ELL: variants seen among roughly 807,000 people sequenced by gnomAD.
ELL encodes RNA polymerase II elongation factor ELL.
Under a neutral mutation model 64.0 loss-of-function variants are expected in ELL, and 18 were observed. That is an observed-to-expected ratio of 0.28 (90% confidence interval 0.19 to 0.42). The LOEUF is 0.42. Ranked by LOEUF, ELL falls within the 10% of genes least tolerant of loss-of-function variation. The pLI, the probability that ELL is intolerant of heterozygous loss-of-function variation, is 1.00. For missense variants in ELL, 797 were observed against 870.4 expected (o/e 0.92, Z 1.06); for synonymous variants, 399 against 376.2 (o/e 1.06, Z -0.70).
At chr19:18,465,616 A>G (rs1309569492) in intron 3 of ELL, 41 bp from the exon 4 acceptor site, 1 of 1,538,958 alleles carries the variant, frequency 6.5e-7, no homozygotes, top group African/African-American at 1.4e-5. Flanking sequence ...CAGCTGGGAC[A>G]ATGCAGGGAG....
At position 18,446,426 on chromosome 19, in the gene ELL, G is replaced by A. The variant is rs1216465491; in HGVS notation, c.1587C>T (p.Phe529=). 9 of 1,612,838 alleles carry A rather than the reference G, an allele frequency of 5.6e-6. No individual in the cohort carries two copies. Among genetic ancestry groups the A allele is most frequent in the Non-Finnish European group, 7.6e-6 (9 of 1,179,948 alleles). Residue 529 remains phenylalanine (F), a synonymous_variant, in exon 10 of 12, where the codon TTC becomes TTT. Transcript: ENST00000262809. The stretch of plus-strand genomic sequence containing the variant: ...CGCGGTACTCGCTGTACTCGGCATT[G>A]AAGTCGTTCTTGTAGCTCTGGCGCT... ...SEQRQSYKND[F]NAEYSEYRDL... is the part of the protein sequence containing the mutation.
intron 1 of ELL, chr19:18,473,362 G>A: frequency 5.4e-6 from 2 of 368,834 alleles, no homozygotes; most frequent in Non-Finnish European, 1.1e-5. Context: ...AGCCCCAGCT[G>A]ATCCCCTGAA....
rs79012978 is a variant in ELL at position 18,444,947 on chromosome 19, C to T, written c.1750-79G>A. The T allele has an allele frequency of 1.6e-3, 2,351 of 1,477,406 alleles. 39 individuals carry two copies. The African/African-American group carries it at 0.029, about 18-fold the overall frequency. 91.5% of individuals were successfully genotyped at this position (1,477,406 alleles called of 1,614,324 possible). ...CGCTGTAAGCAGGCCAGTGTCCCCCCCAAACCAAAAACCTGGGCTTGGTGC... is the reference window on the plus strand; with the variant it reads ...CGCTGTAAGCAGGCCAGTGTCCCCCTCAAACCAAAAACCTGGGCTTGGTGC... On this transcript the variant is annotated intron_variant, in intron 11 of 11. Coordinates refer to ENST00000262809, the MANE Select transcript of ELL (RefSeq NM_006532.4).
chr19:18,482,336 T>TTTTTC (rs781472836), intron 1 of ELL, among the ~76,000 whole-genome samples: 6 of 127,922 alleles, frequency 4.7e-5, no homozygotes, highest in Non-Finnish European at 6.8e-5. Flanking sequence ...TTTTTTTTTT[T>TTTTTC]AAACAGGGTC....
chr19:18,497,236 C>T (rs1488432350), intron 1 of ELL, among the ~76,000 whole-genome samples: 2 of 152,162 alleles, frequency 1.3e-5, no homozygotes, highest in African/African-American at 2.4e-5. Flanking sequence ...CATGAAGGGG[C>T]CTTAAAAGCA....
At chr19:18,490,644 G>A (rs1313390689) in intron 1 of ELL, among the ~76,000 whole-genome samples, 1 of 152,188 alleles carries the variant, frequency 6.6e-6, no homozygotes, top group African/African-American at 2.4e-5. Context: ...CCAAATGCAT[G>A]GTATCTTCCC....
rs573675461 is a variant in ELL at position 18,522,031 on chromosome 19, T to C, written c.25A>G (p.Ser9Gly). ...ACCCGCCCGCACGACAGCCCGTAGC[T>C]CCTATCCTCCTTCAGCGCCGCCATC... MAALKEDR[S>G]YGLSCGRVSD... The change falls in exon 1 of 12, where the codon AGC becomes GGC. Residue 9 changes from serine to glycine, a missense_variant. By Grantham distance (56) the Ser-to-Gly change is moderately conservative. Transcript: ENST00000262809. 80 of 1,605,782 alleles carry C rather than the reference T, an allele frequency of 5.0e-5. 1 individual carries two copies. The Middle Eastern group carries it at 2.0e-3, about 40-fold the overall frequency.
intron 1 of ELL, among the ~76,000 whole-genome samples, chr19:18,490,740 C>G (rs1301685928): frequency 2.0e-5 from 3 of 152,160 alleles, no homozygotes; most frequent in Non-Finnish European, 2.9e-5. Context: ...ACAGCGCTGC[C>G]CCGTGCCACA....
chr19:18,447,464 C>T (rs1486698236), intron 8 of ELL, among the ~76,000 whole-genome samples: 1 of 152,250 alleles, frequency 6.6e-6, no homozygotes, highest in Non-Finnish European at 1.5e-5. Flanking sequence ...TGGGCCACCC[C>T]AATCGGCCAT....
At chr19:18,495,618 G>A (rs1975633469) in intron 1 of ELL, among the ~76,000 whole-genome samples, 1 of 152,192 alleles carries the variant, frequency 6.6e-6, no homozygotes. Context: ...GACAGGGCTG[G>A]TAGGCAGAGT....
At chr19:18,511,711 A>G (rs992863949) in intron 1 of ELL, among the ~76,000 whole-genome samples, 2 of 152,122 alleles carry the variant, frequency 1.3e-5, no homozygotes, top group African/African-American at 4.8e-5. Flanking sequence ...TTCCAGTGGG[A>G]AAATTGCTAA....
chr19:18,479,675 C>CT (rs1975254169), intron 1 of ELL, among the ~76,000 whole-genome samples: 1 of 137,956 alleles, frequency 7.2e-6, no homozygotes, highest in South Asian at 2.2e-4. Flanking sequence ...AGCCACTGCA[C>CT]TCCAGCCTGC....
intron 1 of ELL, among the ~76,000 whole-genome samples, chr19:18,492,834 T>A (rs879256224): frequency 1.3e-5 from 2 of 151,914 alleles, no homozygotes; most frequent in African/African-American, 2.4e-5. Flanking sequence ...GGTGGATGAG[T>A]GAGCCTCTCT....
intron 2 of ELL, among the ~76,000 whole-genome samples, chr19:18,466,455 G>T (rs1458387035): frequency 6.6e-6 from 1 of 152,220 alleles, no homozygotes; most frequent in African/African-American, 2.4e-5. Flanking sequence ...TGTGAATCAG[G>T]TAGGCTTGTG....
chr19:18,455,490 A>G (rs939529113), intron 6 of ELL, among the ~76,000 whole-genome samples: 9 of 149,970 alleles, frequency 6.0e-5, no homozygotes, highest in African/African-American at 2.2e-4. Flanking sequence ...ACTCTGTCTC[A>G]GGAAAAAAAA....
intron 11 of ELL, 52 bp from the exon 12 acceptor site, chr19:18,444,920 C>T: frequency 1.3e-6 from 2 of 1,554,092 alleles, no homozygotes; most frequent in Non-Finnish European, 8.7e-7. Context: ...GGTGCTGCTC[C>T]CCGCTGTAAG....
chr19:18,459,700 G>A (rs887998679), intron 5 of ELL, among the ~76,000 whole-genome samples: 5 of 140,522 alleles, frequency 3.6e-5, no homozygotes, highest in African/African-American at 1.5e-4. Context: ...TTTTGTGTGT[G>A]TATTTTTAGT....
rs191057316 is a variant in ELL, at chr19:18,459,777, C to T, written c.745-1448G>A. On this transcript the variant is annotated intron_variant, in intron 5 of 11. Transcript: ENST00000262809. ...TCCTGACCTCGTAATCCACTTGCCT[C>T]GGCCTCCCAAAGTGCTGGGATTACA... Among the ~76,000 whole-genome samples, 402 of 151,028 alleles carry T rather than the reference C, an allele frequency of 2.7e-3. 1 individual carries two copies. Among genetic ancestry groups the T allele is most frequent in the African/African-American group, 8.5e-3 (349 of 41,110 alleles).
At chr19:18,508,226 T>C (rs1299270711) in intron 1 of ELL, among the ~76,000 whole-genome samples, 1 of 152,120 alleles carries the variant, frequency 6.6e-6, no homozygotes, top group Non-Finnish European at 1.5e-5. Context: ...GAGGATCACT[T>C]GAGGCCAGGA....
Sources: allele counts gnomAD v4.1 joint callset (sites outside exome capture counted in the v4.1 genomes callset), GRCh38; gene constraint gnomAD v4.1.1; transcripts MANE v1.5; gene names NCBI Gene and HGNC (gene_info 2026-07-23, HGNC 2026-07-21).